TMEM272: variants seen among roughly 807,000 people sequenced by gnomAD.
TMEM272 encodes long intergenic non-protein coding RNA 282.
TMEM272 carries 8 observed loss-of-function variants against 3.7 expected under a neutral mutation model. That is an observed-to-expected ratio of 2.17 (90% CI 1.27 to 3.91). The LOEUF (loss-of-function observed/expected upper bound fraction) is 3.91. Among genes scored for constraint, TMEM272 ranks in the 30% most tolerant of loss-of-function variants. The pLI is 0.00. For synonymous variants in TMEM272, 63 were observed against 39.8 expected, an observed-to-expected ratio of 1.58 and a Z score of -2.20; for missense variants, 166 against 91.5, an observed-to-expected ratio of 1.81 and a Z score of -3.32.
chr13:51,817,834 C>T (rs1956047276), intron 4 of TMEM272, among the ~76,000 whole-genome samples: 1 of 152,190 alleles, frequency 6.6e-6, no homozygotes, highest in Non-Finnish European at 1.5e-5. Context: ...TAGATGGTCC[C>T]TGACTCCAGC....
chr13:51,909,168 A>G, the TMEM272 span: 1 of 1,403,940 alleles, frequency 7.1e-7, no homozygotes, highest in Non-Finnish European at 1.0e-6. Context: ...TGTTTCAGCT[A>G]ATTTTTGTCT....
chr13:51,932,040 G>A, the TMEM272 span, among the ~76,000 whole-genome samples: 1 of 152,188 alleles, frequency 6.6e-6, no homozygotes, highest in South Asian at 2.1e-4. Context: ...TTGAAGGAAG[G>A]TGAGTATATG....
rs111925186 is a variant in TMEM272 at position 51,816,653 on chromosome 13, C to CTGTGTGTGTG, written c.*88_*97dup. ...ATTACCTTTATGCCCTTCTCTGAAC[C>CTGTGTGTGTG]TGTGTGTGTGTGTGTGTGTGTGTGC... is the stretch of plus-strand genomic sequence containing the variant. On this transcript the variant is annotated 3_prime_UTR_variant, in exon 5 of 5. Coordinates refer to ENST00000629372, the MANE Select transcript of TMEM272 (RefSeq NM_001351003.2). The CTGTGTGTGTG allele has an allele frequency of 3.1e-4, 177 of 571,988 alleles. No homozygotes were observed. Among genetic ancestry groups the CTGTGTGTGTG allele is most frequent in the South Asian group, 1.5e-3 (75 of 48,704 alleles). The allele number at this position is 571,988 out of a possible 1,614,324, so 35.4% of individuals were successfully genotyped here.
intron 2 of TMEM272, among the ~76,000 whole-genome samples, chr13:51,835,228 CT>C (rs202151711): frequency 5.5e-4 from 40 of 72,468 alleles, no homozygotes; most frequent in African/African-American, 8.2e-4. Flanking sequence ...TATTTTCTTT[CT>C]TTTTTTTTTT....
At chr13:51,895,692 C>T in the TMEM272 span, among the ~76,000 whole-genome samples, 10 of 152,112 alleles carry the variant, frequency 6.6e-5, no homozygotes, top group African/African-American at 2.2e-4. Context: ...GCCTACATCC[C>T]CCCACCCTCT....
chr13:51,898,132 C>T, the TMEM272 span, among the ~76,000 whole-genome samples: 2 of 151,800 alleles, frequency 1.3e-5, no homozygotes, highest in East Asian at 3.9e-4. Context: ...GCAGGAGAAT[C>T]GCTTGAACCT....
chr13:51,900,426 T>C, the TMEM272 span, among the ~76,000 whole-genome samples: 1 of 152,182 alleles, frequency 6.6e-6, no homozygotes, highest in Non-Finnish European at 1.5e-5. Flanking sequence ...CACAATGACA[T>C]ACCACTTCAT....
intron 3 of TMEM272, 104 bp downstream of exon 3, chr13:51,826,462 C>T: frequency 1.5e-6 from 1 of 665,780 alleles, no homozygotes; most frequent in Non-Finnish European, 2.7e-6. Flanking sequence ...TCGGGCTGGC[C>T]AGTTCTTCTT....
At chr13:51,918,907 C>A in the TMEM272 span, among the ~76,000 whole-genome samples, 1 of 151,116 alleles carries the variant, frequency 6.6e-6, no homozygotes, top group African/African-American at 2.4e-5. Flanking sequence ...CTTGGCCTCC[C>A]AAAGTGCCAG....
the TMEM272 span, chr13:51,932,964 G>C: frequency 6.6e-6 from 1 of 152,114 alleles, no homozygotes; most frequent in Non-Finnish European, 1.5e-5. Flanking sequence ...AATGTGCTGC[G>C]GGCTGGAGTG....
the TMEM272 span, among the ~76,000 whole-genome samples, chr13:51,869,113 T>C: frequency 6.6e-6 from 1 of 152,212 alleles, no homozygotes; most frequent in Non-Finnish European, 1.5e-5. Context: ...AGAGTTTAGA[T>C]AGAGAAGGCA....
At chr13:51,927,255 C>T in the TMEM272 span, among the ~76,000 whole-genome samples, 8 of 152,136 alleles carry the variant, frequency 5.3e-5, no homozygotes, top group Admixed American at 5.2e-4. Flanking sequence ...CTGCTCCCCA[C>T]CCCACCCCAG....
At chr13:51,888,192 C>A in the TMEM272 span, among the ~76,000 whole-genome samples, 2 of 151,326 alleles carry the variant, frequency 1.3e-5, no homozygotes, top group South Asian at 2.1e-4. Context: ...ATTACAGGCA[C>A]CCACCACCAC....
chr13:51,828,827 G>A (rs571152857), intron 2 of TMEM272, among the ~76,000 whole-genome samples: 3 of 152,354 alleles, frequency 2.0e-5, no homozygotes, highest in South Asian at 2.1e-4. Flanking sequence ...TGAGGAAAGC[G>A]TGTTGTGTCT....
the TMEM272 span, among the ~76,000 whole-genome samples, chr13:51,864,034 T>C: frequency 2.6e-5 from 4 of 152,170 alleles, no homozygotes; most frequent in Non-Finnish European, 4.4e-5. Flanking sequence ...GCTATCTGAT[T>C]CCTCAGATAT....
rs138014810 is a variant in TMEM272, at chr13:51,816,954, G to A, written c.361C>T (p.Leu121=). 516 of 703,054 alleles carry A rather than the reference G, an allele frequency of 7.3e-4. 4 individuals carry two copies. The East Asian group carries it at 9.1e-3, about 12-fold the overall frequency. The allele number at this position is 703,054 out of a possible 1,614,324, so 43.6% of individuals were successfully genotyped here. A position where few individuals can be genotyped will look rare whatever the true frequency, so the allele number is the denominator to read the frequency against. The part of the protein sequence containing the change: ...LSLFLFLWFI[L]GNYWVFSVYL... The stretch of plus-strand genomic sequence containing the variant: ...ACAGAAAAGACCCAGTAGTTTCCCA[G>A]GATGAACCAGAGGAAGAGGAAGAGG... Residue 121 remains leucine, a synonymous_variant, in exon 5 of 5, where the codon CTG becomes TTG. Transcript: ENST00000629372.
At chr13:51,846,922 ATAG>A (rs778533371), upstream of TMEM272, among the ~76,000 whole-genome samples, 96 of 152,354 alleles carry the variant, frequency 6.3e-4, no homozygotes, top group Middle Eastern at 3.4e-3. Context: ...TATGAAGGCT[ATAG>A]TAGTGTGTAG....
chr13:51,817,165 G>A, intron 4 of TMEM272, 52 bp from the exon 5 acceptor site: 2 of 670,252 alleles, frequency 3.0e-6, no homozygotes, highest in Non-Finnish European at 2.7e-6. Context: ...AAAATAGACG[G>A]GAAGAGAGGG....
the TMEM272 span, chr13:51,921,376 C>T: frequency 6.6e-6 from 1 of 152,224 alleles, no homozygotes; most frequent in Admixed American, 6.5e-5. Context: ...CCAGGAGGCT[C>T]CCAAAGTCTC....
Sources: gnomAD v4.1 joint callset for allele counts (sites outside exome capture counted in the v4.1 genomes callset) on GRCh38, gnomAD v4.1.1 for gene constraint, MANE v1.5 for transcripts, NCBI Gene and HGNC (gene_info 2026-07-23, HGNC 2026-07-21) for gene names.